The following IL1RAPL1 variants were observed in gnomAD, a reference collection of about 807,000 sequenced individuals.
The protein encoded by IL1RAPL1 is interleukin-1 receptor accessory protein-like 1.
In IL1RAPL1, 3 loss-of-function variants were observed where a neutral mutation model predicts 48.4. That is an observed-to-expected ratio of 0.06 (90% CI 0.03 to 0.16). IL1RAPL1 has a LOEUF of 0.16. IL1RAPL1 is among the 10% of genes least tolerant of loss of function. The probability of loss-of-function intolerance (pLI) is 1.00; values close to 1 mark genes in which losing one functional copy is unlikely to be tolerated. For synonymous variants in IL1RAPL1, 185 were observed against 187.7 expected (o/e 0.99, Z 0.12); for missense variants, 349 against 530.6 (o/e 0.66, Z 3.36).
chrX:29,816,267 A>G (rs887177757), intron 6 of IL1RAPL1, among the ~76,000 whole-genome samples: 3 of 111,410 alleles, frequency 2.7e-5, no homozygotes, highest in African/African-American at 9.8e-5. Context: ...CAGAAATACA[A>G]AAGATCCTCA....
chrX:29,915,169 G>A (rs984701702), intron 6 of IL1RAPL1, among the ~76,000 whole-genome samples: 1 of 111,815 alleles, frequency 8.9e-6, no homozygotes, highest in African/African-American at 3.2e-5. Flanking sequence ...GTGGTGGCAC[G>A]TGCCTGTAAT....
chrX:28,602,104 CAAAA>C (rs1168499677), intron 1 of IL1RAPL1, among the ~76,000 whole-genome samples: 1 of 38,226 alleles, frequency 2.6e-5, no homozygotes, highest in African/African-American at 9.4e-5. Context: ...GACTCCATCT[CAAAA>C]AAAAAAAAAA....
chrX:28,968,715 G>A (rs1292315594), intron 2 of IL1RAPL1, among the ~76,000 whole-genome samples: 1 of 112,440 alleles, frequency 8.9e-6, no homozygotes, highest in African/African-American at 3.2e-5. Flanking sequence ...AAAAATGCAG[G>A]AATCAAAATT....
intron 8 of IL1RAPL1, among the ~76,000 whole-genome samples, chrX:29,932,366 A>G (rs1932961187): frequency 1.8e-5 from 2 of 112,549 alleles, no homozygotes; most frequent in South Asian, 7.3e-4. Context: ...GTCCTATTGT[A>G]CTGACCTAAC....
intron 2 of IL1RAPL1, among the ~76,000 whole-genome samples, chrX:29,018,142 G>A (rs1240053525): frequency 8.9e-6 from 1 of 111,805 alleles, no homozygotes; most frequent in African/African-American, 3.2e-5. Flanking sequence ...CAAATTCACT[G>A]TGTGCCAATT....
intron 5 of IL1RAPL1, among the ~76,000 whole-genome samples, chrX:29,620,810 G>T (rs771685171): frequency 2.7e-5 from 3 of 112,082 alleles, no homozygotes; most frequent in Non-Finnish European, 3.8e-5. Context: ...AATATCCTTT[G>T]AAATATTATC....
intron 1 of IL1RAPL1, among the ~76,000 whole-genome samples, chrX:28,630,818 T>G (rs1325295210): frequency 8.9e-6 from 1 of 111,971 alleles, no homozygotes; most frequent in Non-Finnish European, 1.9e-5. Context: ...GGATCATGGG[T>G]GCCTCTATGA....
At chrX:28,789,794 G>A (rs1166281626) in intron 2 of IL1RAPL1, among the ~76,000 whole-genome samples, 1 of 111,844 alleles carries the variant, frequency 8.9e-6, no homozygotes, top group Admixed American at 9.5e-5. Context: ...CCATTTTGAT[G>A]TCAGCTATAC....
intron 5 of IL1RAPL1, among the ~76,000 whole-genome samples, chrX:29,535,132 TC>T (rs1327203100): frequency 1.6e-3 from 24 of 15,021 alleles, no homozygotes; most frequent in African/African-American, 9.5e-3. Flanking sequence ...AGACTCTGTC[TC>T]CAAAAAAAAA....
intron 2 of IL1RAPL1, among the ~76,000 whole-genome samples, chrX:28,969,847 ATATATGTTT>A: frequency 2.0e-5 from 1 of 49,471 alleles, no homozygotes; most frequent in Non-Finnish European, 4.1e-5. Context: ...GTTTCTAAAC[ATATATGTTT>A]CTAAACACAT....
At position 29,221,706 on chromosome X, in the gene IL1RAPL1, A is replaced by G. The variant is rs184041275; in HGVS notation, c.83-61232A>G. ...GACTTCTCCAGCTCTCTGAACTACA[A>G]GATGCTTTATAAAACCTTCACATGG... is the stretch of plus-strand genomic sequence containing the variant. On this transcript the variant is annotated intron_variant, in intron 2 of 10. Transcript: ENST00000378993. 2.4e-4 allele frequency among the ~76,000 whole-genome samples: 26 copies of G among 108,732 alleles called. No homozygotes were observed. In the East Asian group the frequency reaches 7.2e-3, roughly 30 times the overall value. 94.4% of individuals were successfully genotyped at this position (108,732 alleles called of 115,157 possible).
In IL1RAPL1 at chrX:28,660,461, G is replaced by A. The variant is rs199716613; in HGVS notation, c.-25+72414G>A. 1.4e-4 allele frequency among the ~76,000 whole-genome samples: 16 copies of A among 111,054 alleles called. No individual in the cohort carries two copies. In the East Asian group the frequency reaches 4.5e-3, roughly 31 times the overall value. On this transcript the variant is annotated intron_variant, in intron 1 of 10. Coordinates refer to ENST00000378993, the MANE Select transcript of IL1RAPL1 (RefSeq NM_014271.4). Reference sequence around the variant, plus strand: ...GAAAAAGCCAACTTTTGTCTTCAGTGAAAGACAGAAAGGGTAACATATGAT... The same window carrying A: ...GAAAAAGCCAACTTTTGTCTTCAGTAAAAGACAGAAAGGGTAACATATGAT...
chrX:29,309,156 A>G (rs1315775557), intron 3 of IL1RAPL1, among the ~76,000 whole-genome samples: 1 of 112,463 alleles, frequency 8.9e-6, no homozygotes, highest in Non-Finnish European at 1.9e-5. Context: ...AAAAAATGGC[A>G]AGGAAAACTT....
intron 1 of IL1RAPL1, among the ~76,000 whole-genome samples, chrX:28,591,548 G>A (rs1316319471): frequency 8.9e-6 from 1 of 112,163 alleles, no homozygotes; most frequent in African/African-American, 3.2e-5. Context: ...TGATTATTGA[G>A]ATTTAAAAGT....
At chrX:28,976,647 A>G (rs1393750275) in intron 2 of IL1RAPL1, among the ~76,000 whole-genome samples, 1 of 111,565 alleles carries the variant, frequency 9.0e-6, no homozygotes, top group African/African-American at 3.3e-5. Context: ...ATTTAATGCT[A>G]TGGGCCTGGA....
intron 5 of IL1RAPL1, among the ~76,000 whole-genome samples, chrX:29,579,981 T>C (rs903304831): frequency 9.0e-6 from 1 of 111,694 alleles, no homozygotes. Flanking sequence ...CTTACTCTTA[T>C]ATTGTCACTT....
chrX:29,733,845 A>G (rs1041710395), intron 6 of IL1RAPL1, among the ~76,000 whole-genome samples: 1 of 112,905 alleles, frequency 8.9e-6, no homozygotes, highest in African/African-American at 3.2e-5. Context: ...AGAATCATCA[A>G]CATTGATACA....
At chrX:28,646,891 G>T (rs966203474) in intron 1 of IL1RAPL1, among the ~76,000 whole-genome samples, 1 of 111,923 alleles carries the variant, frequency 8.9e-6, no homozygotes, top group African/African-American at 3.2e-5. Flanking sequence ...CATGGCCCTT[G>T]CAAATTTATC....
At chrX:29,169,367 G>A (rs905184309) in intron 2 of IL1RAPL1, among the ~76,000 whole-genome samples, 2 of 109,875 alleles carry the variant, frequency 1.8e-5, no homozygotes, top group African/African-American at 6.6e-5. Context: ...TGATTTTGTG[G>A]CATCATTGTG....
Sources: allele counts gnomAD v4.1 joint callset (sites outside exome capture counted in the v4.1 genomes callset), GRCh38; gene constraint gnomAD v4.1.1; transcripts MANE v1.5; gene names NCBI Gene and HGNC (gene_info 2026-07-23, HGNC 2026-07-21).